Variants in RFX1 observed in about 807,000 individuals in gnomAD.
RFX1 encodes regulatory factor X1.
RFX1 carries 42 observed loss-of-function variants against 119.6 expected under a neutral mutation model. The ratio of observed to expected loss-of-function variants is 0.35; its 90% CI spans 0.27 to 0.45. The LOEUF is 0.45. RFX1 is among the 20% of genes least tolerant of loss of function. The probability of loss-of-function intolerance (pLI) is 1.00; values close to 1 mark genes in which losing one functional copy is unlikely to be tolerated. For synonymous variants in RFX1, 628 were observed against 618.5 expected (o/e 1.02, Z -0.23); for missense variants, 1,118 against 1,368.1 (o/e 0.82, Z 2.88).
chr19:13,965,898 C>T lies in RFX1; in HGVS notation c.1962-121G>A. ...GTCACTGGGGTACTCTGTGGTTCTA[C>T]CCCCAGCATCAGAAGGCACAGGTAC... On this transcript the variant is annotated intron_variant, in intron 14 of 20. Transcript: ENST00000254325. This position sits in a 1 kb window ranked among gnomAD's most constrained non-coding sequence, Gnocchi z 4.7. The T allele has an allele frequency of 1.7e-6, 2 of 1,203,358 alleles. No individual in the cohort carries two copies. The highest frequency in any genetic ancestry group is 1.2e-6 in the Non-Finnish European group (1 of 858,290). 74.5% of individuals were successfully genotyped at this position (1,203,358 alleles called of 1,614,324 possible).
chr19:13,998,635 G>A (rs10426905), intron 1 of RFX1, among the ~76,000 whole-genome samples: 2,163 of 152,258 alleles, frequency 0.014, 60 homozygotes, highest in African/African-American at 0.049. Context: ...CTTGGGAGGG[G>A]ACACCAAGAG....
Position 14,006,147 on chromosome 19 carries a change from T to A in RFX1, c.-97A>T, listed in dbSNP as rs1469142701. 1 of 151,820 alleles carries A rather than the reference T, an allele frequency of 6.6e-6. No individual in the cohort carries two copies. The highest frequency in any genetic ancestry group is 1.5e-5 in the Non-Finnish European group (1 of 67,986). The allele number at this position is 151,820 out of a possible 1,614,324, so 9.4% of individuals were successfully genotyped here. ...TGTCTGCGGAAACGCTTTTCGGAGG[T>A]CTCGGAGTCGATGTTGGGAAGGGGA... On this transcript the variant is annotated 5_prime_UTR_variant, in exon 1 of 21. Coordinates refer to ENST00000254325, the MANE Select transcript of RFX1 (RefSeq NM_002918.5).
chr19:13,963,308 C>G (rs1351305808), intron 18 of RFX1, 33 bp from the exon 19 acceptor site: 1 of 1,578,994 alleles, frequency 6.3e-7, no homozygotes, highest in Admixed American at 1.8e-5. Flanking sequence ...GACCGTCAGG[C>G]CCCGTCCGGC....
At chr19:14,002,645 T>G (rs1393774835) in intron 1 of RFX1, among the ~76,000 whole-genome samples, 1 of 152,086 alleles carries the variant, frequency 6.6e-6, no homozygotes, top group African/African-American at 2.4e-5. Flanking sequence ...TGAGACCGTG[T>G]GAGAAAGTTA....
intron 6 of RFX1, 148 bp from the exon 7 acceptor site, chr19:13,979,690 A>T (rs1013554686): frequency 2.4e-5 from 11 of 464,828 alleles, no homozygotes; most frequent in African/African-American, 2.2e-4. Flanking sequence ...AGGGTGCTGG[A>T]TCCATTACTG....
intron 7 of RFX1, 117 bp downstream of exon 7, chr19:13,979,330 G>C (rs1974355488): frequency 1.6e-6 from 1 of 624,414 alleles, no homozygotes; most frequent in East Asian, 2.9e-5. Flanking sequence ...AGGATGTAGG[G>C]CAGTGTCTGC....
rs1297599997 is a variant in RFX1 at position 13,963,024 on chromosome 19, TG to T, written c.2739del (p.Thr914ProfsTer3). On this transcript the variant is annotated frameshift_variant, in exon 20 of 21. Coordinates refer to ENST00000254325, the MANE Select transcript of RFX1 (RefSeq NM_002918.5). LOFTEE classifies it high-confidence loss of function. Reference sequence around the variant, plus strand: ...TCGGGGTCCAGGGGGTTCAGGGAGGTGGCCAGATTGGCGAACTGGAGGAAGA... The same window carrying T: ...TCGGGGTCCAGGGGGTTCAGGGAGGTGCCAGATTGGCGAACTGGAGGAAGA... ...IAVMGEFANL[A>X]TSLNPLDPDK... 1 of 1,555,716 alleles carries T rather than the reference TG, an allele frequency of 6.4e-7. No homozygotes were observed. The highest frequency in any genetic ancestry group is 8.7e-7 in the Non-Finnish European group (1 of 1,149,600).
Position 13,966,643 on chromosome 19 carries a change from TC to T in RFX1, c.1840del (p.Glu614AsnfsTer11). The T allele has an allele frequency of 6.2e-7, 1 of 1,602,224 alleles. No individual in the cohort carries two copies. The highest frequency in any genetic ancestry group is 8.5e-7 in the Non-Finnish European group (1 of 1,173,268). ...ACCTGGCCACCCTACCTCACAGTGT[TC>T]CCGGTACAGGACCTGGAAGGCTTTG... ...DIKAFQVLYR[E>X]HCEAIVDVMV... On this transcript the variant is annotated frameshift_variant, in exon 13 of 21. Coordinates refer to ENST00000254325, the MANE Select transcript of RFX1 (RefSeq NM_002918.5). LOFTEE classifies it high-confidence loss of function. The surrounding 1 kb of genome is among the most constrained non-coding windows in gnomAD (Gnocchi z 6.3).
chr19:13,966,436 G>C lies in RFX1; in HGVS notation c.1946C>G (p.Ala649Gly). 6.2e-7 allele frequency: 1 copy of C among 1,608,058 alleles called. No homozygotes were observed. Among genetic ancestry groups the C allele is most frequent in the Non-Finnish European group, 8.5e-7 (1 of 1,175,908 alleles). ...WRYNLSQPSE[A>G]PPLAVHDEAE... The stretch of plus-strand genomic sequence containing the variant: ...CAGTACTCACACAGCCAGCGGTGGC[G>C]CCTCACTGGGCTGGCTGAGGTTGTA... Residue 649 changes from alanine to glycine, a missense_variant, in exon 14 of 21, where the codon GCG becomes GGG. Coordinates refer to ENST00000254325, the MANE Select transcript of RFX1 (RefSeq NM_002918.5). This position sits in a 1 kb window ranked among gnomAD's most constrained non-coding sequence, Gnocchi z 6.3.
chr19:13,997,310 G>C (rs1975066978), intron 1 of RFX1, among the ~76,000 whole-genome samples: 1 of 152,218 alleles, frequency 6.6e-6, no homozygotes. Flanking sequence ...CCCTGGACGG[G>C]GATGGATGCA....
chr19:13,983,272 T>A lies in RFX1; in HGVS notation c.430-2A>T, dbSNP rs557167188. 4.5e-6 allele frequency: 7 copies of A among 1,552,050 alleles called. No individual in the cohort carries two copies. The South Asian group carries it at 7.1e-5, about 16-fold the overall frequency. ...CACGCTCGTCTGGACCAGCAGCCGC[T>A]GTGGAGACAAGGCAGGAGGAGCTGA... On this transcript the variant is annotated splice_acceptor_variant, in intron 3 of 20. Transcript: ENST00000254325. LOFTEE classifies it high-confidence loss of function.
chr19:13,971,827 G>C (rs139325519), intron 9 of RFX1, among the ~76,000 whole-genome samples: 3 of 152,200 alleles, frequency 2.0e-5, no homozygotes, highest in African/African-American at 7.2e-5. Context: ...GGCCAACATG[G>C]TGAAACCCCG....
intron 1 of RFX1, among the ~76,000 whole-genome samples, chr19:13,996,051 AAAGG>A (rs1489809653): frequency 2.0e-5 from 3 of 151,862 alleles, no homozygotes; most frequent in Non-Finnish European, 2.9e-5. Context: ...AAACAAAACA[AAAGG>A]AAAGAACAGG....
rs183889037 is a variant in RFX1, at chr19:13,969,982, G to A, written c.1496+12C>T. On this transcript the variant is annotated intron_variant, in intron 10 of 20. Transcript: ENST00000254325. This position sits in a 1 kb window ranked among gnomAD's most constrained non-coding sequence, Gnocchi z 4.5. ...TCCCCAGGGACTGCTGGGAGTAGAC[G>A]GATGGCCCTACCTGGTGCCCAGACG... The A allele has an allele frequency of 1.5e-3, 2,382 of 1,599,122 alleles. 17 individuals are homozygous for A. Among genetic ancestry groups the A allele is most frequent in the South Asian group, 7.8e-3 (694 of 89,114 alleles).
chr19:14,002,774 C>A (rs1210447617), intron 1 of RFX1, among the ~76,000 whole-genome samples: 1 of 152,202 alleles, frequency 6.6e-6, no homozygotes, highest in Non-Finnish European at 1.5e-5. Context: ...TCCTGTACAG[C>A]TGCTATTGAA....
intron 2 of RFX1, among the ~76,000 whole-genome samples, chr19:13,987,568 C>T (rs1159247174): frequency 6.6e-6 from 1 of 152,148 alleles, no homozygotes; most frequent in Non-Finnish European, 1.5e-5. Context: ...GCTCACGTGG[C>T]CCCGGCCACC....
chr19:13,999,196 A>G (rs1348330688), intron 1 of RFX1, among the ~76,000 whole-genome samples: 1 of 152,324 alleles, frequency 6.6e-6, no homozygotes, highest in East Asian at 1.9e-4. Flanking sequence ...CATATATTTG[A>G]GCGTGAGAAC....
rs1974337116 is a variant in RFX1, at chr19:13,978,769, G to C, written c.834+678C>G. 2.0e-5 allele frequency among the ~76,000 whole-genome samples: 3 copies of C among 152,064 alleles called. No homozygotes were observed. In the South Asian group the frequency reaches 6.2e-4, roughly 31 times the overall value. On this transcript the variant is annotated intron_variant, in intron 7 of 20. Transcript: ENST00000254325. ...ACCTACTTTGAGGGCCGTGGCGGCC[G>C]TGCCGAACACTAGCACCTGGGGGAT...
intron 2 of RFX1, among the ~76,000 whole-genome samples, chr19:13,992,926 G>C (rs550351566): frequency 6.6e-6 from 1 of 152,278 alleles, no homozygotes; most frequent in Non-Finnish European, 1.5e-5. Flanking sequence ...GAGTCCAGGA[G>C]TTTGAGACCA....
Sources: allele counts gnomAD v4.1 joint callset (sites outside exome capture counted in the v4.1 genomes callset), GRCh38; gene constraint gnomAD v4.1.1; non-coding constraint Gnocchi (gnomAD v3.1); transcripts MANE v1.5; gene names NCBI Gene and HGNC (gene_info 2026-07-23, HGNC 2026-07-21).